The following PFDN1 variants were observed in gnomAD, a reference collection of about 807,000 sequenced individuals.
The protein encoded by PFDN1 is prefoldin 1.
PFDN1 carries 6 observed loss-of-function variants against 17.3 expected under a neutral mutation model. The ratio of observed to expected loss-of-function variants is 0.35; its 90% CI spans 0.19 to 0.69. The LOEUF is 0.69. Among genes scored for constraint, PFDN1 ranks in the 30% least tolerant of loss-of-function variants. The pLI is 0.65. For synonymous variants in PFDN1, 58 were observed against 50.1 expected (o/e 1.16, Z -0.67); for missense variants, 113 against 146.2 (o/e 0.77, Z 1.17).
At chr5:140,269,566 G>A (rs1212675981) in intron 3 of PFDN1, among the ~76,000 whole-genome samples, 1 of 152,144 alleles carries the variant, frequency 6.6e-6, no homozygotes, top group Non-Finnish European at 1.5e-5. Flanking sequence ...TCATCTGCCC[G>A]CCTTGGCCTC....
chr5:140,262,776 A>T (rs1215972292), intron 3 of PFDN1, among the ~76,000 whole-genome samples: 2 of 152,168 alleles, frequency 1.3e-5, no homozygotes, highest in Admixed American at 6.5e-5. Flanking sequence ...CAATTTCATT[A>T]GCATCATTTG....
chr5:140,284,960 A>G (rs1765462634), intron 2 of PFDN1, among the ~76,000 whole-genome samples: 1 of 152,234 alleles, frequency 6.6e-6, no homozygotes, highest in African/African-American at 2.4e-5. Flanking sequence ...TTTCTAAATC[A>G]TCCTGCAGTT....
At chr5:140,249,071 T>C (rs112831614) in intron 3 of PFDN1, among the ~76,000 whole-genome samples, 46 of 152,338 alleles carry the variant, frequency 3.0e-4, no homozygotes, top group African/African-American at 1.0e-3. Context: ...TGTATTTCAA[T>C]AATTCCTGTC....
At chr5:140,246,159 G>A (rs1764826758) in intron 3 of PFDN1, 102 bp from the exon 4 acceptor site, 1 of 751,846 alleles carries the variant, frequency 1.3e-6, no homozygotes. Flanking sequence ...CTTTGTGACA[G>A]GCAACTTTCA....
intron 2 of PFDN1, among the ~76,000 whole-genome samples, chr5:140,291,304 T>G (rs1459174711): frequency 6.6e-6 from 1 of 152,126 alleles, no homozygotes; most frequent in Non-Finnish European, 1.5e-5. Context: ...AGTCTTCAGA[T>G]TCTGAACAAA....
intron 1 of PFDN1, among the ~76,000 whole-genome samples, chr5:140,301,270 C>A (rs1355722154): frequency 6.6e-6 from 1 of 151,930 alleles, no homozygotes; most frequent in Non-Finnish European, 1.5e-5. Flanking sequence ...AGAGGAAGAC[C>A]AAGAAAGAGA....
chr5:140,260,394 T>C (rs1398181465), intron 3 of PFDN1, among the ~76,000 whole-genome samples: 1 of 143,942 alleles, frequency 6.9e-6, no homozygotes, highest in Admixed American at 7.0e-5. Flanking sequence ...CTTGTAAATG[T>C]TCATAGCAGC....
chr5:140,294,528 A>G (rs1440671872), intron 2 of PFDN1, among the ~76,000 whole-genome samples: 1 of 151,968 alleles, frequency 6.6e-6, no homozygotes, highest in Admixed American at 6.6e-5. Flanking sequence ...ATTTCATCCC[A>G]CCTTTACTAA....
At chr5:140,269,232 C>T (rs750535269) in intron 3 of PFDN1, among the ~76,000 whole-genome samples, 5 of 151,844 alleles carry the variant, frequency 3.3e-5, no homozygotes, top group African/African-American at 4.8e-5. Context: ...AGGCTGGTCT[C>T]GAACTCCAGG....
At chr5:140,302,873 C>G (rs567250033) in intron 1 of PFDN1, among the ~76,000 whole-genome samples, 168 bp downstream of exon 1, 121 of 152,270 alleles carry the variant, frequency 7.9e-4, no homozygotes, top group Non-Finnish European at 1.4e-3. Flanking sequence ...GCTCGCCCCC[C>G]ACCCCGTTTA....
intron 3 of PFDN1, among the ~76,000 whole-genome samples, chr5:140,272,454 G>A (rs1267390157): frequency 2.3e-4 from 34 of 148,152 alleles, no homozygotes; most frequent in Non-Finnish European, 4.4e-5. Flanking sequence ...TCCACCTCCC[G>A]GGTTCAAGCA....
chr5:140,255,804 A>G (rs1764977268), intron 3 of PFDN1, among the ~76,000 whole-genome samples: 1 of 151,202 alleles, frequency 6.6e-6, no homozygotes, highest in Non-Finnish European at 1.5e-5. Flanking sequence ...CCATTAAAAA[A>G]CCCTTTCTTT....
In PFDN1 at chr5:140,280,147, T is replaced by C. The variant is rs187256396; in HGVS notation, c.285+1302A>G. Among the ~76,000 whole-genome samples, 777 of 152,204 alleles carry C rather than the reference T, an allele frequency of 5.1e-3. 1 individual carries two copies. Among genetic ancestry groups the C allele is most frequent in the Admixed American group, 7.9e-3 (121 of 15,290 alleles). On this transcript the variant is annotated intron_variant, in intron 3 of 3. Transcript: ENST00000261813. ...CCTTACATATCATCTTCAATATTCATACACAAATGTTTGTTTTTTGTTTTC... is the reference window on the plus strand; with the variant it reads ...CCTTACATATCATCTTCAATATTCACACACAAATGTTTGTTTTTTGTTTTC...
chr5:140,275,654 G>T (rs1460865587), intron 3 of PFDN1, among the ~76,000 whole-genome samples: 1 of 152,084 alleles, frequency 6.6e-6, no homozygotes, highest in East Asian at 1.9e-4. Context: ...TCAGGAGAGG[G>T]CAAGTATAAA....
chr5:140,249,710 G>A (rs899427153), intron 3 of PFDN1, among the ~76,000 whole-genome samples: 6 of 152,322 alleles, frequency 3.9e-5, no homozygotes, highest in East Asian at 1.9e-4. Context: ...GGTGGAAGGC[G>A]AAGGGGAGCC....
chr5:140,263,368 A>G (rs1053473191), intron 3 of PFDN1, among the ~76,000 whole-genome samples: 1 of 152,184 alleles, frequency 6.6e-6, no homozygotes, highest in Non-Finnish European at 1.5e-5. Context: ...AAAACCCATG[A>G]CTGCTGCATA....
chr5:140,261,347 C>T (rs1329557849), intron 3 of PFDN1, among the ~76,000 whole-genome samples: 1 of 152,120 alleles, frequency 6.6e-6, no homozygotes, highest in Non-Finnish European at 1.5e-5. Context: ...TAAAAATTAA[C>T]TTTAATGCTG....
At chr5:140,248,497 C>T (rs1289273280) in intron 3 of PFDN1, among the ~76,000 whole-genome samples, 1 of 152,236 alleles carries the variant, frequency 6.6e-6, no homozygotes, top group Non-Finnish European at 1.5e-5. Flanking sequence ...GTGCCATACA[C>T]CACCTGGGCA....
At chr5:140,279,515 T>C (rs1013754726) in intron 3 of PFDN1, among the ~76,000 whole-genome samples, 12 of 151,850 alleles carry the variant, frequency 7.9e-5, no homozygotes, top group African/African-American at 2.4e-4. Flanking sequence ...TTTTTTTTTT[T>C]CCCTAAAGAG....
Sources: allele counts gnomAD v4.1 joint callset (sites outside exome capture counted in the v4.1 genomes callset), GRCh38; gene constraint gnomAD v4.1.1; transcripts MANE v1.5; gene names NCBI Gene and HGNC (gene_info 2026-07-23, HGNC 2026-07-21).